Variants in DMD observed in about 807,000 individuals in gnomAD.
DMD encodes the protein dystrophin, also known as mutant dystrophin.
Under a neutral mutation model 330.1 loss-of-function variants are expected in DMD, and 63 were observed. The ratio of observed to expected loss-of-function variants is 0.19; its 90% CI spans 0.16 to 0.24. The LOEUF is 0.24. DMD is among the 10% of genes least tolerant of loss of function. The pLI, the probability that DMD is intolerant of heterozygous loss-of-function variation, is 1.00. For missense variants in DMD, 3,344 were observed against 2,684.1 expected (o/e 1.25, Z -5.43); for synonymous variants, 1,223 against 959.8 (o/e 1.27, Z -5.07).
At chrX:32,170,231 G>C (rs1359973647) in intron 44 of DMD, among the ~76,000 whole-genome samples, 1 of 110,096 alleles carries the variant, frequency 9.1e-6, no homozygotes, top group Admixed American at 9.8e-5. Flanking sequence ...AGCACTTTGG[G>C]AGGCTGAGGT....
intron 37 of DMD, among the ~76,000 whole-genome samples, chrX:32,349,544 T>C: frequency 9.0e-6 from 1 of 111,682 alleles, no homozygotes; most frequent in African/African-American, 3.2e-5. Flanking sequence ...GGTCCCCACC[T>C]ACCCTTCTCC....
At chrX:33,100,936 C>A (rs1003821879) in intron 1 of DMD, among the ~76,000 whole-genome samples, 4 of 110,998 alleles carry the variant, frequency 3.6e-5, no homozygotes, top group African/African-American at 1.3e-4. Context: ...CAACTATAAC[C>A]TATGGATAGG....
At chrX:32,482,971 G>A (rs1345643760) in intron 21 of DMD, among the ~76,000 whole-genome samples, 2 of 107,143 alleles carry the variant, frequency 1.9e-5, no homozygotes, top group Non-Finnish European at 3.9e-5. Context: ...ACTTCTGTTA[G>A]CTCTTATTTC....
Position 31,121,428 on chromosome X carries a change from GTGTGTGTGTGTGTA to G in DMD, c.*477_*490del, listed in dbSNP as rs199552087. ...AAACAATGCGCTGCCTCAAAGTTTT[GTGTGTGTGTGTGTA>G]TGTGTGTGTGTGTGTGTTTGTTTTG... On this transcript the variant is annotated 3_prime_UTR_variant, in exon 79 of 79. Transcript: ENST00000357033. 1,182 of 100,599 alleles carry G rather than the reference GTGTGTGTGTGTGTA, an allele frequency of 0.012. 6 individuals are homozygous for G. The highest frequency in any genetic ancestry group is 0.018 in the Admixed American group (177 of 9,865). 8.3% of individuals were successfully genotyped at this position (100,599 alleles called of 1,213,427 possible). A position where few individuals can be genotyped will look rare whatever the true frequency, so the allele number is the denominator to read the frequency against.
intron 55 of DMD, among the ~76,000 whole-genome samples, chrX:31,517,243 A>G (rs893003183): frequency 7.1e-5 from 8 of 111,914 alleles, no homozygotes; most frequent in African/African-American, 2.3e-4. Context: ...TGAGTAGATC[A>G]ACCAAGTACC....
chrX:33,125,225 T>G (rs1050695499), intron 1 of DMD, among the ~76,000 whole-genome samples: 1 of 110,541 alleles, frequency 9.0e-6, no homozygotes, highest in Non-Finnish European at 1.9e-5. Context: ...TTTCTAAAGA[T>G]CAGCTCCATC....
intron 7 of DMD, among the ~76,000 whole-genome samples, chrX:32,773,386 A>G (rs962980524): frequency 1.1e-4 from 12 of 111,546 alleles, no homozygotes; most frequent in African/African-American, 3.9e-4. Flanking sequence ...CACCTCAAGC[A>G]TTTATCATTT....
At chrX:31,898,878 C>A (rs2094385277) in intron 47 of DMD, among the ~76,000 whole-genome samples, 1 of 111,572 alleles carries the variant, frequency 9.0e-6, no homozygotes, top group Non-Finnish European at 1.9e-5. Flanking sequence ...CAGGAAAACA[C>A]ATCATGAGGG....
chrX:31,163,282 G>A (rs771562178), intron 74 of DMD, among the ~76,000 whole-genome samples: 1 of 111,515 alleles, frequency 9.0e-6, no homozygotes, highest in African/African-American at 3.3e-5. Context: ...TAACTCTCAT[G>A]AGATCTGATG....
intron 50 of DMD, among the ~76,000 whole-genome samples, chrX:31,779,685 T>TTGTG (rs34110475): frequency 0.025 from 2,476 of 100,064 alleles, 29 homozygotes; most frequent in African/African-American, 0.052. Context: ...GATACACACA[T>TTGTG]TGTGTGTGTG....
intron 13 of DMD, among the ~76,000 whole-genome samples, chrX:32,574,973 C>A (rs148688826): frequency 0.032 from 3,556 of 109,617 alleles, 138 homozygotes; most frequent in African/African-American, 0.11. Flanking sequence ...TCTCAGCTCA[C>A]TGCAACCTCC....
At chrX:31,225,804 G>C (rs761107958) in intron 63 of DMD, among the ~76,000 whole-genome samples, 12 of 111,833 alleles carry the variant, frequency 1.1e-4, no homozygotes, top group Non-Finnish European at 2.3e-4. Flanking sequence ...CTCTAATAGA[G>C]GACTGTGGCC....
intron 55 of DMD, among the ~76,000 whole-genome samples, chrX:31,519,806 A>G (rs1434201832): frequency 8.9e-6 from 1 of 111,985 alleles, no homozygotes; most frequent in East Asian, 2.8e-4. Context: ...TAGTACCATG[A>G]TGTAAACTAA....
chrX:32,233,434 T>A (rs2097175511), intron 43 of DMD, among the ~76,000 whole-genome samples: 1 of 110,781 alleles, frequency 9.0e-6, no homozygotes, highest in African/African-American at 3.3e-5. Flanking sequence ...TTCATGAATA[T>A]CAAAGTTTTT....
At chrX:32,035,756 G>T (rs992251876) in intron 44 of DMD, among the ~76,000 whole-genome samples, 15 of 111,151 alleles carry the variant, frequency 1.3e-4, no homozygotes, top group African/African-American at 4.9e-4. Context: ...CAAGAGTATG[G>T]ATAAGCTCAG....
intron 77 of DMD, among the ~76,000 whole-genome samples, chrX:31,128,347 T>A (rs1334021111): frequency 9.0e-6 from 1 of 111,190 alleles, no homozygotes; most frequent in Non-Finnish European, 1.9e-5. Context: ...CTGAAGTGAA[T>A]TGGTAAAGTA....
At chrX:32,212,906 A>AAATAGAGT (rs1424473261) in intron 44 of DMD, among the ~76,000 whole-genome samples, 1 of 111,303 alleles carries the variant, frequency 9.0e-6, no homozygotes, top group East Asian at 2.8e-4. Flanking sequence ...AGAGGAAAAA[A>AAATAGAGT]AATAGAGTTG....
intron 21 of DMD, among the ~76,000 whole-genome samples, chrX:32,473,335 A>G (rs756384405): frequency 9.0e-6 from 1 of 111,661 alleles, no homozygotes. Flanking sequence ...TGGAGACACA[A>G]AAAGATAGAG....
At chrX:32,762,625 C>A (rs1401148188) in intron 7 of DMD, among the ~76,000 whole-genome samples, 1 of 110,945 alleles carries the variant, frequency 9.0e-6, no homozygotes, top group Non-Finnish European at 1.9e-5. Flanking sequence ...TCGGCTCAGA[C>A]TGAATGGCAG....
Sources: allele counts gnomAD v4.1 joint callset (sites outside exome capture counted in the v4.1 genomes callset), GRCh38; gene constraint gnomAD v4.1.1; transcripts MANE v1.5; gene names NCBI Gene and HGNC (gene_info 2026-07-23, HGNC 2026-07-21).